ORC2: variants seen among roughly 807,000 people sequenced by gnomAD.
The protein encoded by ORC2 is origin recognition complex protein 2 homolog.
A neutral mutation model predicts 77.7 loss-of-function variants in ORC2; 37 were observed. The ratio of observed to expected loss-of-function variants is 0.48; its 90% CI spans 0.37 to 0.63. The LOEUF is 0.63. Ranked by LOEUF, ORC2 falls within the 20% of genes least tolerant of loss-of-function variation. The probability of loss-of-function intolerance (pLI) is 0.00; values close to 1 mark genes in which losing one functional copy is unlikely to be tolerated. For missense variants in ORC2, 557 were observed against 661.9 expected (o/e 0.84, Z 1.74); for synonymous variants, 201 against 229.5 (o/e 0.88, Z 1.12).
intron 7 of ORC2, among the ~76,000 whole-genome samples, chr2:200,940,774 C>G (rs960240359): frequency 6.6e-6 from 1 of 152,080 alleles, no homozygotes; most frequent in Non-Finnish European, 1.5e-5. Context: ...TGCACTCCAG[C>G]CTGGGCGACA....
intron 1 of ORC2, among the ~76,000 whole-genome samples, chr2:200,960,299 AACG>A (rs1424346508): frequency 1.3e-5 from 2 of 152,108 alleles, no homozygotes. Flanking sequence ...TTTAAACAAC[AACG>A]ACAACAAAAA....
At chr2:200,931,153 G>A (rs534625109) in intron 11 of ORC2, among the ~76,000 whole-genome samples, 186 bp downstream of exon 11, 21 of 151,954 alleles carry the variant, frequency 1.4e-4, no homozygotes, top group Non-Finnish European at 2.6e-4. Context: ...AGAATTTCTG[G>A]GAAGAGTCAT....
intron 13 of ORC2, among the ~76,000 whole-genome samples, chr2:200,922,815 A>G (rs1308395919): frequency 8.5e-5 from 13 of 152,240 alleles, no homozygotes; most frequent in Admixed American, 1.3e-4. Context: ...GGGCTCTTAC[A>G]AGGATCTGTG....
chr2:200,926,938 A>G lies in ORC2; in HGVS notation c.918-38T>C, dbSNP rs759540964. ...ACAGTATTCATGAAATTAAACTTCA[A>G]TACCTCTTATTGCCAATTTTATTAT... is the stretch of plus-strand genomic sequence containing the variant. On this transcript the variant is annotated intron_variant, in intron 11 of 17. Transcript: ENST00000234296. 6 of 1,590,212 alleles carry G rather than the reference A, an allele frequency of 3.8e-6. No individual in the cohort carries two copies. In the East Asian group the frequency reaches 6.7e-5, roughly 18 times the overall value.
chr2:200,935,943 G>A (rs769811861), intron 8 of ORC2, 51 bp from the exon 9 acceptor site: 115 of 1,512,334 alleles, frequency 7.6e-5, no homozygotes, highest in Non-Finnish European at 9.8e-5. Context: ...TGACAAGAGA[G>A]GCATTGTGGG....
intron 7 of ORC2, among the ~76,000 whole-genome samples, chr2:200,940,077 C>T (rs552220622): frequency 5.9e-5 from 9 of 152,288 alleles, no homozygotes; most frequent in Admixed American, 2.6e-4. Flanking sequence ...TAATCCATCA[C>T]GTTAACTTCT....
At chr2:200,927,432 C>T (rs543382534) in intron 11 of ORC2, among the ~76,000 whole-genome samples, 12 of 151,046 alleles carry the variant, frequency 7.9e-5, no homozygotes, top group South Asian at 6.3e-4. Flanking sequence ...CGGTGGCTCA[C>T]GCCTGTAATC....
intron 15 of ORC2, among the ~76,000 whole-genome samples, chr2:200,917,287 G>A (rs1289606445): frequency 2.0e-5 from 3 of 152,040 alleles, no homozygotes; most frequent in African/African-American, 4.8e-5. Flanking sequence ...GAGCCACCGC[G>A]CCCAGCCTGC....
At chr2:200,947,946 T>C (rs2041279913) in intron 5 of ORC2, among the ~76,000 whole-genome samples, 1 of 151,900 alleles carries the variant, frequency 6.6e-6, no homozygotes. Context: ...TCTCGCTCTG[T>C]CGCCCAGGCT....
chr2:200,931,597 G>A (rs1318441726), intron 10 of ORC2, 149 bp from the exon 11 acceptor site: 5 of 426,938 alleles, frequency 1.2e-5, no homozygotes, highest in Non-Finnish European at 2.1e-5. Flanking sequence ...TATATCAACC[G>A]ATAAACAAAA....
intron 1 of ORC2, among the ~76,000 whole-genome samples, chr2:200,960,855 C>G (rs1384368361): frequency 1.3e-5 from 2 of 152,084 alleles, no homozygotes; most frequent in African/African-American, 4.8e-5. Flanking sequence ...CAGCTCACTG[C>G]AACCTCCGCC....
At chr2:200,933,562 A>T (rs56037692) in intron 10 of ORC2, among the ~76,000 whole-genome samples, 7,119 of 152,122 alleles carry the variant, frequency 0.047, 541 homozygotes, top group African/African-American at 0.16. Flanking sequence ...AATCCAGTAA[A>T]TTATTTATTT....
chr2:200,920,834 A>G (rs1196402533), intron 14 of ORC2, among the ~76,000 whole-genome samples, 159 bp downstream of exon 14: 2 of 152,218 alleles, frequency 1.3e-5, no homozygotes, highest in African/African-American at 4.8e-5. Flanking sequence ...ATTATGTTCT[A>G]AATTAGATTG....
chr2:200,944,697 T>G (rs2041220371), intron 5 of ORC2, among the ~76,000 whole-genome samples: 1 of 152,162 alleles, frequency 6.6e-6, no homozygotes, highest in Non-Finnish European at 1.5e-5. Flanking sequence ...TGCGCCACTA[T>G]GCCTAGCTAA....
At chr2:200,921,327 G>GT (rs16841498) in intron 13 of ORC2, 188 bp from the exon 14 acceptor site, 3,856 of 331,930 alleles carry the variant, frequency 0.012, 32 homozygotes, top group Non-Finnish European at 0.015. Context: ...CTGGCTAATT[G>GT]TTTTTTTGGT....
At chr2:200,918,470 T>TC (rs2040696555) in intron 15 of ORC2, among the ~76,000 whole-genome samples, 1 of 151,834 alleles carries the variant, frequency 6.6e-6, no homozygotes, top group South Asian at 2.1e-4. Context: ...GCTTGTTCCC[T>TC]CTTTTTTTCT....
chr2:200,917,297 C>T (rs2040673680), intron 15 of ORC2, among the ~76,000 whole-genome samples: 1 of 152,032 alleles, frequency 6.6e-6, no homozygotes, highest in Non-Finnish European at 1.5e-5. Context: ...GCCCAGCCTG[C>T]ATATTCCAAT....
At chr2:200,934,861 G>T (rs1175620979) in intron 9 of ORC2, among the ~76,000 whole-genome samples, 1 of 152,102 alleles carries the variant, frequency 6.6e-6, no homozygotes, top group African/African-American at 2.4e-5. Context: ...TAAGCAGTAG[G>T]CTCCTCAATT....
chr2:200,929,306 G>GAA lies in ORC2; in HGVS notation c.917+2031_917+2032dup, dbSNP rs1311997394. On this transcript the variant is annotated intron_variant, in intron 11 of 17. Transcript: ENST00000234296. ...GGGTTAACAGAAAGGTTTTAAGTAG[G>GAA]AAAGTAACATGTTCTTTTCAGAAAG... is the stretch of plus-strand genomic sequence containing the variant. 2.0e-5 allele frequency among the ~76,000 whole-genome samples: 3 copies of GAA among 152,296 alleles called. No homozygotes were observed. The South Asian group carries it at 6.2e-4, about 32-fold the overall frequency.
Sources: allele counts gnomAD v4.1 joint callset (sites outside exome capture counted in the v4.1 genomes callset), GRCh38; gene constraint gnomAD v4.1.1; transcripts MANE v1.5; gene names NCBI Gene and HGNC (gene_info 2026-07-23, HGNC 2026-07-21).